Variants in FHIT observed in about 807,000 individuals in gnomAD.
FHIT encodes the protein fragile histidine triad diadenosine triphosphatase, also known as bis(5'-adenosyl)-triphosphatase.
Under a neutral mutation model 17.9 loss-of-function variants are expected in FHIT, and 19 were observed. That is an observed-to-expected ratio of 1.06 (90% CI 0.74 to 1.56). The LOEUF (loss-of-function observed/expected upper bound fraction) is 1.56, where lower values mean the gene tolerates loss of function less well. FHIT is among the 40% of genes most tolerant of loss of function. The pLI, the probability that FHIT is intolerant of heterozygous loss-of-function variation, is 0.00. For synonymous variants in FHIT, 81 were observed against 69.7 expected, an observed-to-expected ratio of 1.16 and a Z score of -0.81; for missense variants, 248 against 189.2, an observed-to-expected ratio of 1.31 and a Z score of -1.82.
chr3:60,436,726 C>T (rs561100196), intron 5 of FHIT, among the ~76,000 whole-genome samples: 2 of 152,186 alleles, frequency 1.3e-5, no homozygotes, highest in African/African-American at 2.4e-5. Context: ...AAGCAACATA[C>T]GCTGCTCATC....
chr3:60,426,201 A>G (rs1181074914), intron 5 of FHIT, among the ~76,000 whole-genome samples: 1 of 152,172 alleles, frequency 6.6e-6, no homozygotes, highest in Non-Finnish European at 1.5e-5. Context: ...CCTGACTCAC[A>G]TGATGATTGT....
intron 2 of FHIT, among the ~76,000 whole-genome samples, chr3:61,119,150 C>T (rs1042162008): frequency 2.0e-5 from 3 of 152,188 alleles, no homozygotes; most frequent in Non-Finnish European, 4.4e-5. Flanking sequence ...CAATAGCCTT[C>T]CCTCACAGTG....
At chr3:60,267,614 G>C (rs77239705) in intron 5 of FHIT, among the ~76,000 whole-genome samples, 13,771 of 152,056 alleles carry the variant, frequency 0.091, 767 homozygotes, top group Non-Finnish European at 0.13. Flanking sequence ...ATCCCAGTCT[G>C]AGATTTTGTG....
At chr3:60,338,120 A>C (rs952210964) in intron 5 of FHIT, among the ~76,000 whole-genome samples, 1 of 152,190 alleles carries the variant, frequency 6.6e-6, no homozygotes, top group African/African-American at 2.4e-5. Flanking sequence ...CGTTTTCTAG[A>C]GAATCTTCCA....
chr3:60,728,634 C>A (rs573545227), intron 4 of FHIT, among the ~76,000 whole-genome samples: 50 of 151,590 alleles, frequency 3.3e-4, no homozygotes, highest in African/African-American at 1.2e-3. Flanking sequence ...AAATCTGGGG[C>A]ATATTAGATA....
chr3:60,188,621 A>C (rs1702266696), intron 5 of FHIT, among the ~76,000 whole-genome samples: 1 of 152,164 alleles, frequency 6.6e-6, no homozygotes, highest in African/African-American at 2.4e-5. Flanking sequence ...TTTGACAGTA[A>C]CTATTTTTAT....
chr3:61,117,375 T>C (rs1020332871), intron 2 of FHIT, among the ~76,000 whole-genome samples: 1 of 152,162 alleles, frequency 6.6e-6, no homozygotes, highest in Non-Finnish European at 1.5e-5. Flanking sequence ...ATTCTTCCTA[T>C]GTTAACTAAA....
chr3:60,619,516 C>T (rs1258833606), intron 4 of FHIT, among the ~76,000 whole-genome samples: 6 of 149,906 alleles, frequency 4.0e-5, no homozygotes, highest in Admixed American at 3.4e-4. Context: ...TTGGCAAAAG[C>T]CACCAAATAC....
chr3:60,783,017 CT>C (rs1289251468), intron 4 of FHIT, among the ~76,000 whole-genome samples: 3 of 152,142 alleles, frequency 2.0e-5, no homozygotes, highest in African/African-American at 4.8e-5. Flanking sequence ...AGGTCTCCCC[CT>C]GTTGCCCAGG....
chr3:60,115,963 G>T (rs1045413189), intron 5 of FHIT, among the ~76,000 whole-genome samples: 2 of 152,140 alleles, frequency 1.3e-5, no homozygotes, highest in Non-Finnish European at 2.9e-5. Context: ...TAGATGAGAA[G>T]TTGAATTAAT....
intron 3 of FHIT, among the ~76,000 whole-genome samples, chr3:60,899,594 G>C (rs556854332): frequency 6.6e-6 from 1 of 152,274 alleles, no homozygotes; most frequent in South Asian, 2.1e-4. Context: ...TGGAGCCAAA[G>C]GCCGGGGTTC....
In FHIT at chr3:60,566,703, G is replaced by T. The variant is rs538723289; in HGVS notation, c.-17-29724C>A. Among the ~76,000 whole-genome samples the T allele has an allele frequency of 3.9e-5, 6 of 152,218 alleles. No homozygotes were observed. In the East Asian group the frequency reaches 1.2e-3, roughly 29 times the overall value. ...TGCAGATGACATGATTGTATATCTAGAAAACCCCATTGTCTCAGCCCAAAA... is the reference window on the plus strand; with the variant it reads ...TGCAGATGACATGATTGTATATCTATAAAACCCCATTGTCTCAGCCCAAAA... On this transcript the variant is annotated intron_variant, in intron 4 of 9. Coordinates refer to ENST00000492590, the MANE Select transcript of FHIT (RefSeq NM_002012.4).
At chr3:60,605,343 C>G (rs2038576134) in intron 4 of FHIT, among the ~76,000 whole-genome samples, 1 of 152,172 alleles carries the variant, frequency 6.6e-6, no homozygotes, top group East Asian at 1.9e-4. Context: ...CATGGCTCAG[C>G]TCTGGTGAGA....
intron 5 of FHIT, among the ~76,000 whole-genome samples, chr3:60,189,483 G>A (rs1002926884): frequency 1.3e-5 from 2 of 152,108 alleles, no homozygotes; most frequent in African/African-American, 4.8e-5. Flanking sequence ...CAATTCTGCT[G>A]AATGCTACAA....
chr3:60,194,766 T>C (rs1702548662), intron 5 of FHIT, among the ~76,000 whole-genome samples: 2 of 151,852 alleles, frequency 1.3e-5, no homozygotes. Flanking sequence ...CATTAAAAAA[T>C]GGGCAAAGGA....
chr3:60,160,247 T>C (rs1486772761), intron 5 of FHIT, among the ~76,000 whole-genome samples: 1 of 152,048 alleles, frequency 6.6e-6, no homozygotes, highest in Non-Finnish European at 1.5e-5. Context: ...TGTTTTCCCC[T>C]AAAAATTAGA....
intron 5 of FHIT, among the ~76,000 whole-genome samples, chr3:60,195,710 AT>A (rs1474466792): frequency 6.6e-6 from 1 of 150,992 alleles, no homozygotes; most frequent in Non-Finnish European, 1.5e-5. Flanking sequence ...CAAGAAAAAA[AT>A]AATGTCTTTT....
At chr3:60,311,794 C>T (rs147826527) in intron 5 of FHIT, among the ~76,000 whole-genome samples, 1 of 152,124 alleles carries the variant, frequency 6.6e-6, no homozygotes, top group Admixed American at 6.6e-5. Flanking sequence ...AATAAACATG[C>T]CCTTTTCTTA....
chr3:61,088,839 A>ACT lies in FHIT; in HGVS notation c.-163-46741_-163-46740insAG, dbSNP rs570985336. Among the ~76,000 whole-genome samples, 534 of 152,288 alleles carry ACT rather than the reference A, an allele frequency of 3.5e-3. 2 individuals carry two copies. Among genetic ancestry groups the ACT allele is most frequent in the African/African-American group, 0.01 (416 of 41,564 alleles). On this transcript the variant is annotated intron_variant, in intron 2 of 9. Transcript: ENST00000492590. ...TCTTATGCTGTTGTACCTACCAAAAAGACACCATGAAAACTGCAAGTATGG... is the reference window on the plus strand; with the variant it reads ...TCTTATGCTGTTGTACCTACCAAAAACTGACACCATGAAAACTGCAAGTATGG...
Sources: allele counts gnomAD v4.1 joint callset (sites outside exome capture counted in the v4.1 genomes callset), GRCh38; gene constraint gnomAD v4.1.1; transcripts MANE v1.5; gene names NCBI Gene and HGNC (gene_info 2026-07-23, HGNC 2026-07-21).